Variants in RHOQ observed in about 807,000 individuals in gnomAD.
The protein encoded by RHOQ is rho-related GTP-binding protein RhoQ.
Under a neutral mutation model 25.8 loss-of-function variants are expected in RHOQ, and 7 were observed. The ratio of observed to expected loss-of-function variants is 0.27; its 90% CI spans 0.15 to 0.51. The LOEUF (loss-of-function observed/expected upper bound fraction) is 0.51. Among genes scored for constraint, RHOQ ranks in the 20% least tolerant of loss-of-function variants. The pLI, the probability that RHOQ is intolerant of heterozygous loss-of-function variation, is 0.97. For missense variants in RHOQ, 165 were observed against 260.6 expected, an observed-to-expected ratio of 0.63 and a Z score of 2.53; for synonymous variants, 97 against 98.6, an observed-to-expected ratio of 0.98 and a Z score of 0.10.
chr2:46,579,198 T>C (rs1664954360), intron 4 of RHOQ, among the ~76,000 whole-genome samples: 1 of 152,230 alleles, frequency 6.6e-6, no homozygotes, highest in African/African-American at 2.4e-5. Context: ...CCTGAAACTT[T>C]CTTCAGTTGG....
At chr2:46,561,167 ATG>A (rs1668566741) in intron 2 of RHOQ, among the ~76,000 whole-genome samples, 1 of 151,704 alleles carries the variant, frequency 6.6e-6, no homozygotes, top group African/African-American at 2.4e-5. Context: ...TTTGATATAT[ATG>A]TGTGTGTATA....
rs146269736 is a variant in RHOQ at position 46,564,585 on chromosome 2, G to C, written c.202-11502G>C. Among the ~76,000 whole-genome samples, 558 of 152,298 alleles carry C rather than the reference G, an allele frequency of 3.7e-3. 4 individuals are homozygous for C. The highest frequency in any genetic ancestry group is 8.7e-3 in the South Asian group (42 of 4,832). On this transcript the variant is annotated intron_variant, in intron 2 of 4. Coordinates refer to ENST00000238738, the MANE Select transcript of RHOQ (RefSeq NM_012249.4). ...GGCTCAAGTATTCACATTCCACATG[G>C]GTTTGTTGGTCATGGCTTAACTCCT...
chr2:46,572,112 T>TG (rs1668940456), intron 2 of RHOQ, among the ~76,000 whole-genome samples: 2 of 129,962 alleles, frequency 1.5e-5, no homozygotes, highest in Middle Eastern at 3.7e-3. Context: ...TGTGTGTTTT[T>TG]TTTTTTTTTT....
chr2:46,554,161 C>G (rs999511321), intron 2 of RHOQ, among the ~76,000 whole-genome samples: 2 of 151,720 alleles, frequency 1.3e-5, no homozygotes, highest in African/African-American at 2.4e-5. Flanking sequence ...ACCCCCAGCC[C>G]CACAAAACAC....
Position 46,576,490 on chromosome 2 carries a change from G to A in RHOQ, c.367-71G>A, listed in dbSNP as rs1404605447. The A allele has an allele frequency of 2.1e-6, 2 of 968,862 alleles. No individual in the cohort carries two copies. Among genetic ancestry groups the A allele is most frequent in the East Asian group, 5.0e-5 (2 of 39,946 alleles). 60.0% of individuals were successfully genotyped at this position (968,862 alleles called of 1,614,324 possible). A position where few individuals can be genotyped will look rare whatever the true frequency, so the allele number is the denominator to read the frequency against. On this transcript the variant is annotated intron_variant, in intron 3 of 4. Coordinates refer to ENST00000238738, the MANE Select transcript of RHOQ (RefSeq NM_012249.4). This position sits in a 1 kb window ranked among gnomAD's most constrained non-coding sequence, Gnocchi z 5.1. ...TTTTTTTGGTATGTGGGAATTAAGT[G>A]GGATTACATGCTTTGATTTTTCTTT... is the stretch of plus-strand genomic sequence containing the variant.
At chr2:46,554,365 T>A (rs1188125327) in intron 2 of RHOQ, among the ~76,000 whole-genome samples, 1 of 152,202 alleles carries the variant, frequency 6.6e-6, no homozygotes, top group Non-Finnish European at 1.5e-5. Context: ...TAGTGTGCTA[T>A]GTGGCCTAGG....
Position 46,555,507 on chromosome 2 carries a change from T to A in RHOQ, c.201+11695T>A, listed in dbSNP as rs147275323. ...TATCCATATTGGCTTTCCTATCAGCTCATTTGAGAGGAAATTCTGACCTGT... is the reference window on the plus strand; with the variant it reads ...TATCCATATTGGCTTTCCTATCAGCACATTTGAGAGGAAATTCTGACCTGT... On this transcript the variant is annotated intron_variant, in intron 2 of 4. Coordinates refer to ENST00000238738, the MANE Select transcript of RHOQ (RefSeq NM_012249.4). This position sits in a 1 kb window ranked among gnomAD's most constrained non-coding sequence, Gnocchi z 4.3. Among the ~76,000 whole-genome samples, 79 of 152,314 alleles carry A rather than the reference T, an allele frequency of 5.2e-4. No individual in the cohort carries two copies. The highest frequency in any genetic ancestry group is 1.9e-3 in the African/African-American group (77 of 41,562).
intron 2 of RHOQ, among the ~76,000 whole-genome samples, chr2:46,574,495 G>A (rs1044056799): frequency 2.0e-5 from 3 of 152,068 alleles, no homozygotes; most frequent in Admixed American, 6.5e-5. Context: ...GGGGTATAAC[G>A]TGTTTCATAC....
rs1386972796 is a variant in RHOQ, at chr2:46,556,095, A to G, written c.201+12283A>G. Among the ~76,000 whole-genome samples the G allele has an allele frequency of 6.6e-6, 1 of 151,814 alleles. No homozygotes were observed. The highest frequency in any genetic ancestry group is 2.4e-5 in the African/African-American group (1 of 41,296). ...CCTCCCCCGTCTCCTGGCAACCACTAATCTGTCTTTCTGTTTCTATGGATT... is the reference window on the plus strand; with the variant it reads ...CCTCCCCCGTCTCCTGGCAACCACTGATCTGTCTTTCTGTTTCTATGGATT... On this transcript the variant is annotated intron_variant, in intron 2 of 4. Transcript: ENST00000238738. This position sits in a 1 kb window ranked among gnomAD's most constrained non-coding sequence, Gnocchi z 4.9.
At chr2:46,545,210 G>A (rs550347823) in intron 2 of RHOQ, among the ~76,000 whole-genome samples, 1 of 152,318 alleles carries the variant, frequency 6.6e-6, no homozygotes, top group African/African-American at 2.4e-5. Flanking sequence ...ACCTTCATTG[G>A]AGGATGTGGA....
Position 46,581,701 on chromosome 2 carries a change from A to G in RHOQ, c.*618A>G. ...AAAGCTTAATGTGCTTTCTTAAAGA[A>G]TGCCAAAAGTGTAATAAGGTCATAA... On this transcript the variant is annotated 3_prime_UTR_variant, in exon 5 of 5. Transcript: ENST00000238738. The G allele has an allele frequency of 1.4e-6, 2 of 1,441,284 alleles. No homozygotes were observed. The highest frequency in any genetic ancestry group is 1.9e-6 in the Non-Finnish European group (2 of 1,079,074). The allele number at this position is 1,441,284 out of a possible 1,614,324, so 89.3% of individuals were successfully genotyped here.
intron 2 of RHOQ, chr2:46,560,540 A>G (rs1668542306): frequency 4.4e-6 from 2 of 455,682 alleles, no homozygotes; most frequent in African/African-American, 4.0e-5. Flanking sequence ...CAGCAAAGCG[A>G]GTTGGATTTC....
At chr2:46,547,587 T>A (rs901661840) in intron 2 of RHOQ, among the ~76,000 whole-genome samples, 4 of 152,258 alleles carry the variant, frequency 2.6e-5, no homozygotes, top group Admixed American at 6.5e-5. Context: ...CAGGAGCAGC[T>A]GTCACATTTT....
intron 2 of RHOQ, among the ~76,000 whole-genome samples, chr2:46,562,502 C>A (rs1269142343): frequency 1.3e-5 from 2 of 152,206 alleles, no homozygotes; most frequent in African/African-American, 4.8e-5. Flanking sequence ...AGAAATGGCA[C>A]TCCTCCCTAG....
At chr2:46,563,839 G>A (rs1285623450) in intron 2 of RHOQ, among the ~76,000 whole-genome samples, 1 of 151,832 alleles carries the variant, frequency 6.6e-6, no homozygotes, top group Non-Finnish European at 1.5e-5. Context: ...TCTTAATGGA[G>A]ACAGGGTCTC....
intron 1 of RHOQ, 96 bp from the exon 2 acceptor site, chr2:46,543,658 T>A: frequency 1.9e-6 from 2 of 1,077,342 alleles, no homozygotes; most frequent in Non-Finnish European, 1.4e-6. Context: ...CGCCTCTAGC[T>A]GGGTTGGGAG....
intron 2 of RHOQ, among the ~76,000 whole-genome samples, chr2:46,549,767 C>T (rs1668182303): frequency 6.6e-6 from 1 of 152,180 alleles, no homozygotes; most frequent in South Asian, 2.1e-4. Context: ...TCTGAGCTCT[C>T]AGGGGTCCCC....
chr2:46,553,476 AC>A (rs925445362), intron 2 of RHOQ, among the ~76,000 whole-genome samples: 31 of 152,350 alleles, frequency 2.0e-4, no homozygotes, highest in African/African-American at 7.2e-4. Context: ...TCTTTGTGCT[AC>A]AAACAATCCA....
rs765959671 is a variant in RHOQ, at chr2:46,556,800, C to T, written c.201+12988C>T. On this transcript the variant is annotated intron_variant, in intron 2 of 4. Coordinates refer to ENST00000238738, the MANE Select transcript of RHOQ (RefSeq NM_012249.4). The surrounding 1 kb of genome is among the most constrained non-coding windows in gnomAD (Gnocchi z 4.9). ...AGTGTTAGAAAGGTGCCCAACTACC[C>T]GGCTGTTTGACCTGAGCTTCCCAGA... Among the ~76,000 whole-genome samples, 5 of 152,102 alleles carry T rather than the reference C, an allele frequency of 3.3e-5. No individual in the cohort carries two copies. Among genetic ancestry groups the T allele is most frequent in the Non-Finnish European group, 5.9e-5 (4 of 68,026 alleles).
Sources: allele counts gnomAD v4.1 joint callset (sites outside exome capture counted in the v4.1 genomes callset), GRCh38; gene constraint gnomAD v4.1.1; non-coding constraint Gnocchi (gnomAD v3.1); transcripts MANE v1.5; gene names NCBI Gene and HGNC (gene_info 2026-07-23, HGNC 2026-07-21).